MYLK: variants seen among roughly 807,000 people sequenced by gnomAD.
MYLK encodes the protein myosin light chain kinase, also known as myosin light chain kinase, smooth muscle.
Under a neutral mutation model 203.4 loss-of-function variants are expected in MYLK, and 106 were observed. That is an observed-to-expected ratio of 0.52 (90% CI 0.45 to 0.61). The LOEUF (loss-of-function observed/expected upper bound fraction) is 0.61, where lower values mean the gene tolerates loss of function less well. Ranked by LOEUF, MYLK falls within the 20% of genes least tolerant of loss-of-function variation. The probability of loss-of-function intolerance (pLI) is 0.00; values close to 1 mark genes in which losing one functional copy is unlikely to be tolerated. For synonymous variants in MYLK, 867 were observed against 959.5 expected (o/e 0.90, Z 1.78); for missense variants, 2,072 against 2,442.3 (o/e 0.85, Z 3.20).
chr3:123,855,799 A>G (rs1401571814), intron 2 of MYLK, among the ~76,000 whole-genome samples: 1 of 152,128 alleles, frequency 6.6e-6, no homozygotes, highest in African/African-American at 2.4e-5. Context: ...CATGGTAACC[A>G]AAGCAAATAG....
chr3:123,709,627 T>C, intron 14 of MYLK, 129 bp downstream of exon 14: 1 of 1,189,200 alleles, frequency 8.4e-7, no homozygotes, highest in Non-Finnish European at 1.2e-6. Context: ...TTTCTTTGGG[T>C]CCATCACCTG....
At chr3:123,776,162 A>G (rs997111801) in intron 4 of MYLK, among the ~76,000 whole-genome samples, 1 of 152,174 alleles carries the variant, frequency 6.6e-6, no homozygotes, top group South Asian at 2.1e-4. Context: ...GGGCAGATAC[A>G]GACTGAGGTC....
At chr3:123,714,761 C>G (rs1426524807) in intron 13 of MYLK, among the ~76,000 whole-genome samples, 1 of 152,172 alleles carries the variant, frequency 6.6e-6, no homozygotes, top group African/African-American at 2.4e-5. Context: ...ATCTGTTGCT[C>G]TGTTACTTGG....
intron 5 of MYLK, among the ~76,000 whole-genome samples, chr3:123,748,845 C>T (rs1026345817): frequency 2.0e-5 from 3 of 151,726 alleles, no homozygotes; most frequent in African/African-American, 4.8e-5. Flanking sequence ...CTGAGGTAGG[C>T]GGATCACAAG....
chr3:123,663,294 T>C (rs1279063374), intron 23 of MYLK, among the ~76,000 whole-genome samples: 1 of 152,008 alleles, frequency 6.6e-6, no homozygotes, highest in Non-Finnish European at 1.5e-5. Context: ...CCCCACTCAA[T>C]CCTGGGATGA....
chr3:123,775,711 G>A (rs1295818877), intron 4 of MYLK, among the ~76,000 whole-genome samples: 1 of 152,186 alleles, frequency 6.6e-6, no homozygotes, highest in Non-Finnish European at 1.5e-5. Context: ...AGAGAAAAAG[G>A]GGAATGACAA....
At chr3:123,836,833 G>T (rs765208616) in intron 2 of MYLK, among the ~76,000 whole-genome samples, 1 of 152,144 alleles carries the variant, frequency 6.6e-6, no homozygotes, top group South Asian at 2.1e-4. Flanking sequence ...CCACTAGGTA[G>T]AACTCAAAGC....
At chr3:123,673,161 C>A (rs796496753) in intron 20 of MYLK, among the ~76,000 whole-genome samples, 5 of 136,962 alleles carry the variant, frequency 3.7e-5, no homozygotes, top group Non-Finnish European at 6.2e-5. Flanking sequence ...TTTTTCTTTT[C>A]TTTTTTTTTT....
intron 16 of MYLK, 103 bp from the exon 17 acceptor site, chr3:123,701,612 A>G: frequency 8.4e-7 from 1 of 1,195,728 alleles, no homozygotes; most frequent in Non-Finnish European, 1.2e-6. Context: ...GGAAGATGGA[A>G]GTCGCCGGCT....
At chr3:123,637,037 G>C (rs1370914330) in intron 29 of MYLK, among the ~76,000 whole-genome samples, 1 of 152,186 alleles carries the variant, frequency 6.6e-6, no homozygotes, top group African/African-American at 2.4e-5. Flanking sequence ...TCTCACACTG[G>C]AGTCTGAAGG....
At chr3:123,661,514 G>T (rs191869605) in intron 23 of MYLK, among the ~76,000 whole-genome samples, 2 of 152,110 alleles carry the variant, frequency 1.3e-5, no homozygotes, top group African/African-American at 2.4e-5. Context: ...GTGAGAAAAG[G>T]GTTGTTCTTC....
chr3:123,618,447 C>A, intron 33 of MYLK, 192 bp downstream of exon 33: 1 of 645,560 alleles, frequency 1.5e-6, no homozygotes, highest in Non-Finnish European at 2.7e-6. Flanking sequence ...GAAGGACACA[C>A]CTTCAGGAGG....
intron 19 of MYLK, chr3:123,692,164 C>G (rs2060700001): frequency 3.2e-6 from 1 of 310,858 alleles, no homozygotes; most frequent in Non-Finnish European, 4.9e-6. Context: ...ACCTGGCAGG[C>G]CTGCTTTCTC....
At chr3:123,800,806 A>G (rs1057187525) in intron 3 of MYLK, among the ~76,000 whole-genome samples, 2 of 152,140 alleles carry the variant, frequency 1.3e-5, no homozygotes, top group Non-Finnish European at 2.9e-5. Flanking sequence ...TTTAACACCT[A>G]GGAGACCCCC....
At chr3:123,866,874 C>T (rs1215976006) in intron 2 of MYLK, among the ~76,000 whole-genome samples, 1 of 152,156 alleles carries the variant, frequency 6.6e-6, no homozygotes, top group East Asian at 1.9e-4. Flanking sequence ...CCTCACCCTT[C>T]AATGGGGAAA....
chr3:123,677,918 T>TATATACACACAC (rs1273803739), intron 20 of MYLK, among the ~76,000 whole-genome samples: 1 of 78,918 alleles, frequency 1.3e-5, no homozygotes, highest in African/African-American at 6.1e-5. Flanking sequence ...TATATATATA[T>TATATACACACAC]ACACACACAC....
chr3:123,713,724 T>C (rs975040936), intron 13 of MYLK, among the ~76,000 whole-genome samples: 2 of 151,436 alleles, frequency 1.3e-5, no homozygotes, highest in African/African-American at 4.9e-5. Flanking sequence ...TGGACTTAAG[T>C]AAAATACGAA....
intron 4 of MYLK, among the ~76,000 whole-genome samples, chr3:123,761,627 T>C (rs2108930200): frequency 6.6e-6 from 1 of 152,284 alleles, no homozygotes; most frequent in African/African-American, 2.4e-5. Context: ...GGCATCATGA[T>C]TTGCATAGAG....
At chr3:123,770,760 T>G (rs751322840) in intron 4 of MYLK, among the ~76,000 whole-genome samples, 10 of 152,330 alleles carry the variant, frequency 6.6e-5, no homozygotes, top group Admixed American at 4.6e-4. Context: ...TTCAAATGTA[T>G]GATGAGCTCT....
Sources: gnomAD v4.1 joint callset for allele counts (sites outside exome capture counted in the v4.1 genomes callset) on GRCh38, gnomAD v4.1.1 for gene constraint, MANE v1.5 for transcripts, NCBI Gene and HGNC (gene_info 2026-07-23, HGNC 2026-07-21) for gene names.